The following JAZF1 variants were observed in gnomAD, a reference collection of about 807,000 sequenced individuals.
The protein encoded by JAZF1 is juxtaposed with another zinc finger protein 1.
JAZF1 carries 8 observed loss-of-function variants against 26.4 expected under a neutral mutation model. That is an observed-to-expected ratio of 0.30 (90% CI 0.18 to 0.55). JAZF1 has a LOEUF of 0.55. Among genes scored for constraint, JAZF1 ranks in the 20% least tolerant of loss-of-function variants. The pLI, the probability that JAZF1 is intolerant of heterozygous loss-of-function variation, is 0.94. For synonymous variants in JAZF1, 126 were observed against 122.3 expected (o/e 1.03, Z -0.20); for missense variants, 199 against 322.0 (o/e 0.62, Z 2.92).
intron 1 of JAZF1, among the ~76,000 whole-genome samples, chr7:28,125,447 G>T (rs1782679531): frequency 6.6e-6 from 1 of 152,186 alleles, no homozygotes; most frequent in Admixed American, 6.5e-5. Flanking sequence ...GGTTTTTAAT[G>T]AAATGTGGAG....
At chr7:27,926,709 A>G (rs1330980153) in intron 2 of JAZF1, among the ~76,000 whole-genome samples, 2 of 152,248 alleles carry the variant, frequency 1.3e-5, no homozygotes, top group Admixed American at 1.3e-4. Flanking sequence ...AGACAAGGAC[A>G]CTGAGGAATG....
At chr7:27,923,484 C>A (rs535950995) in intron 2 of JAZF1, among the ~76,000 whole-genome samples, 1 of 152,192 alleles carries the variant, frequency 6.6e-6, no homozygotes, top group Non-Finnish European at 1.5e-5. Context: ...GCCTGGAATC[C>A]GCTGCCAGAC....
At chr7:27,920,731 C>A (rs549943250) in intron 2 of JAZF1, among the ~76,000 whole-genome samples, 1 of 152,134 alleles carries the variant, frequency 6.6e-6, no homozygotes, top group African/African-American at 2.4e-5. Flanking sequence ...TCCCCACTTC[C>A]GCCGACAACA....
chr7:28,017,480 C>T (rs769624746), intron 1 of JAZF1, among the ~76,000 whole-genome samples: 22 of 152,018 alleles, frequency 1.4e-4, no homozygotes, highest in South Asian at 6.2e-4. Flanking sequence ...TACATACTGT[C>T]GCCGTTCAAC....
chr7:27,981,047 T>C (rs1785574519), intron 2 of JAZF1, among the ~76,000 whole-genome samples: 1 of 152,228 alleles, frequency 6.6e-6, no homozygotes. Context: ...AAATCCTGTA[T>C]GAGTGGAGGT....
intron 1 of JAZF1, among the ~76,000 whole-genome samples, chr7:28,016,159 T>C (rs1782887647): frequency 1.3e-5 from 2 of 152,274 alleles, no homozygotes; most frequent in East Asian, 1.9e-4. Flanking sequence ...TGCTGCAGAC[T>C]GGACTGCCCT....
intron 3 of JAZF1, chr7:27,842,563 G>C (rs917106829): frequency 2.6e-5 from 4 of 152,150 alleles, no homozygotes; most frequent in African/African-American, 9.7e-5. Context: ...AATAAATTCT[G>C]CTGTACTTGG....
chr7:28,029,715 G>A (rs1409400367), intron 1 of JAZF1, among the ~76,000 whole-genome samples: 1 of 152,132 alleles, frequency 6.6e-6, no homozygotes, highest in Non-Finnish European at 1.5e-5. Flanking sequence ...CAGCATATAA[G>A]CTAATTATTT....
intron 1 of JAZF1, among the ~76,000 whole-genome samples, chr7:27,995,654 C>A (rs1010717540): frequency 7.9e-5 from 12 of 152,130 alleles, no homozygotes; most frequent in African/African-American, 2.9e-4. Flanking sequence ...TAAAACATAG[C>A]ATTCTTGACA....
intron 3 of JAZF1, among the ~76,000 whole-genome samples, chr7:27,849,744 T>TACACACACAC (rs1199710288): frequency 1.9e-5 from 1 of 53,528 alleles, no homozygotes; most frequent in African/African-American, 9.0e-5. Flanking sequence ...TTGGAACCCT[T>TACACACACAC]ACACACAGAC....
intron 1 of JAZF1, among the ~76,000 whole-genome samples, chr7:28,095,469 T>G (rs2127924530): frequency 6.6e-6 from 1 of 152,156 alleles, no homozygotes; most frequent in South Asian, 2.1e-4. Flanking sequence ...GAGAACTAAC[T>G]CACTATCATG....
chr7:28,171,783 A>G (rs964310890), intron 1 of JAZF1, among the ~76,000 whole-genome samples: 1 of 152,206 alleles, frequency 6.6e-6, no homozygotes, highest in Non-Finnish European at 1.5e-5. Context: ...GGATGGGGGT[A>G]ATGTCTACTT....
chr7:27,993,402 T>C (rs1785944824), intron 1 of JAZF1, among the ~76,000 whole-genome samples: 1 of 152,176 alleles, frequency 6.6e-6, no homozygotes, highest in Non-Finnish European at 1.5e-5. Flanking sequence ...AGTGGTTCTC[T>C]AAATAACAAA....
chr7:28,032,209 T>C (rs529684058), intron 1 of JAZF1, among the ~76,000 whole-genome samples: 23 of 152,344 alleles, frequency 1.5e-4, no homozygotes, highest in African/African-American at 2.9e-4. Flanking sequence ...ATGTTTACCT[T>C]CTCCTTCTCT....
At chr7:27,849,283 A>G (rs192399033) in intron 3 of JAZF1, among the ~76,000 whole-genome samples, 1 of 152,226 alleles carries the variant, frequency 6.6e-6, no homozygotes, top group Non-Finnish European at 1.5e-5. Context: ...AAGCCTCGTG[A>G]CAGCCAGTGA....
At chr7:28,090,822 T>TG (rs924596026) in intron 1 of JAZF1, among the ~76,000 whole-genome samples, 2 of 145,230 alleles carry the variant, frequency 1.4e-5, no homozygotes, top group Non-Finnish European at 3.0e-5. Flanking sequence ...TAGTTGTTTT[T>TG]TTTTTTTTTT....
chr7:28,139,209 G>A (rs1304964589), intron 1 of JAZF1, among the ~76,000 whole-genome samples: 1 of 152,192 alleles, frequency 6.6e-6, no homozygotes, highest in East Asian at 1.9e-4. Context: ...CTATGAAGCT[G>A]CCAAGTTTTT....
intron 1 of JAZF1, among the ~76,000 whole-genome samples, chr7:28,137,266 G>A (rs1350189795): frequency 1.3e-5 from 2 of 152,156 alleles, no homozygotes; most frequent in African/African-American, 4.8e-5. Flanking sequence ...GAAGTAACAC[G>A]ATTCAATCTG....
chr7:27,883,251 G>A (rs1238758506), intron 3 of JAZF1, among the ~76,000 whole-genome samples: 2 of 152,132 alleles, frequency 1.3e-5, no homozygotes, highest in African/African-American at 2.4e-5. Flanking sequence ...CCCCTGCTGG[G>A]ACAAAGAAAA....
Sources: allele counts gnomAD v4.1 joint callset (sites outside exome capture counted in the v4.1 genomes callset), GRCh38; gene constraint gnomAD v4.1.1; transcripts MANE v1.5; gene names NCBI Gene and HGNC (gene_info 2026-07-23, HGNC 2026-07-21).